The following PRKN variants were observed in gnomAD, a reference collection of about 807,000 sequenced individuals.
PRKN encodes the protein E3 ubiquitin-protein ligase parkin.
In PRKN, 56 loss-of-function variants were observed where a neutral mutation model predicts 59.5. The ratio of observed to expected loss-of-function variants is 0.94; its 90% CI spans 0.76 to 1.18. The LOEUF is 1.18. PRKN is among the 50% of genes most tolerant of loss of function. The probability of loss-of-function intolerance (pLI) is 0.00; values close to 1 mark genes in which losing one functional copy is unlikely to be tolerated. For synonymous variants in PRKN, 250 were observed against 222.1 expected (o/e 1.13, Z -1.12); for missense variants, 657 against 596.4 (o/e 1.10, Z -1.06).
At chr6:162,158,903 T>C (rs1437947403) in intron 4 of PRKN, among the ~76,000 whole-genome samples, 2 of 152,042 alleles carry the variant, frequency 1.3e-5, no homozygotes, top group Non-Finnish European at 2.9e-5. Context: ...GTTAAAGCTC[T>C]ATAGTGTTCA....
At position 161,402,408 on chromosome 6, in the gene PRKN, G is replaced by T. The variant is rs182952319; in HGVS notation, c.1084-15531C>A. 2.6e-5 allele frequency among the ~76,000 whole-genome samples: 4 copies of T among 152,204 alleles called. No homozygotes were observed. Among genetic ancestry groups the T allele is most frequent in the Non-Finnish European group, 4.4e-5 (3 of 68,022 alleles). On this transcript the variant is annotated intron_variant, in intron 9 of 11. Transcript: ENST00000366898. This position sits in a 1 kb window ranked among gnomAD's most constrained non-coding sequence, Gnocchi z 4.5. ...TAAAGAGCAAGTGACTGTGTCCCAG[G>T]GCGGCTGAGATAATGCGCGGATCTC...
intron 2 of PRKN, among the ~76,000 whole-genome samples, chr6:162,387,449 GATA>G (rs1332188442): frequency 6.6e-6 from 1 of 151,410 alleles, no homozygotes; most frequent in Non-Finnish European, 1.5e-5. Context: ...GAGAAACAAC[GATA>G]ATAATTGCTC....
At position 161,448,971 on chromosome 6, in the gene PRKN, G is replaced by T. The variant is rs1425508749; in HGVS notation, c.1084-62094C>A. Among the ~76,000 whole-genome samples the T allele has an allele frequency of 6.6e-5, 10 of 152,204 alleles. No homozygotes were observed. The highest frequency in any genetic ancestry group is 6.5e-4 in the Admixed American group (10 of 15,274). ...AAAAAGGTGGTGCATCTGAGATGGTGACTGCTCAGAATAAAGTGATAAGGG... is the reference window on the plus strand; with the variant it reads ...AAAAAGGTGGTGCATCTGAGATGGTTACTGCTCAGAATAAAGTGATAAGGG... On this transcript the variant is annotated intron_variant, in intron 9 of 11. Transcript: ENST00000366898. The surrounding 1 kb of genome is among the most constrained non-coding windows in gnomAD (Gnocchi z 5.1).
intron 1 of PRKN, among the ~76,000 whole-genome samples, chr6:162,625,733 T>C (rs967976121): frequency 4.6e-5 from 7 of 152,084 alleles, no homozygotes; most frequent in Non-Finnish European, 1.0e-4. Flanking sequence ...TAAACTTATG[T>C]TTGCAAAAAC....
intron 1 of PRKN, among the ~76,000 whole-genome samples, chr6:162,459,880 G>A (rs1390018993): frequency 6.6e-6 from 1 of 152,146 alleles, no homozygotes; most frequent in Non-Finnish European, 1.5e-5. Context: ...AATCTCAACA[G>A]ATAGGGAGAA....
intron 1 of PRKN, among the ~76,000 whole-genome samples, chr6:162,631,542 T>C (rs1489537805): frequency 2.0e-5 from 3 of 152,118 alleles, no homozygotes; most frequent in Non-Finnish European, 4.4e-5. Context: ...TTTTTTTTAT[T>C]GTGTTTTGCT....
chr6:161,592,847 C>T lies in PRKN; in HGVS notation c.872-23431G>A, dbSNP rs924774952. On this transcript the variant is annotated intron_variant, in intron 7 of 11. Transcript: ENST00000366898. This position sits in a 1 kb window ranked among gnomAD's most constrained non-coding sequence, Gnocchi z 4.8. ...GCTGGCGGGAGAGGCAGGAGGTCAC[C>T]GCAGGACCTGAAGGAAATGACTCCT... 3.3e-5 allele frequency among the ~76,000 whole-genome samples: 5 copies of T among 152,062 alleles called. No individual in the cohort carries two copies. Among genetic ancestry groups the T allele is most frequent in the South Asian group, 2.1e-4 (1 of 4,810 alleles).
chr6:161,534,612 C>T (rs1779345367), intron 9 of PRKN, among the ~76,000 whole-genome samples: 1 of 152,210 alleles, frequency 6.6e-6, no homozygotes, highest in African/African-American at 2.4e-5. Flanking sequence ...TGCACAGTTA[C>T]GTGTTGCCAT....
At chr6:162,125,966 T>A (rs1233296603) in intron 4 of PRKN, among the ~76,000 whole-genome samples, 1 of 152,164 alleles carries the variant, frequency 6.6e-6, no homozygotes, top group Non-Finnish European at 1.5e-5. Context: ...ATGGATGATG[T>A]TTCATTGCCA....
intron 6 of PRKN, among the ~76,000 whole-genome samples, chr6:161,856,126 G>A (rs373263751): frequency 4.6e-5 from 7 of 152,236 alleles, no homozygotes; most frequent in East Asian, 3.9e-4. Flanking sequence ...TTGGGAGGCC[G>A]AGGTGGGCAG....
At position 161,590,885 on chromosome 6, in the gene PRKN, G is replaced by C. The variant is rs1237442656; in HGVS notation, c.872-21469C>G. ...ACTAGACATAATAGTCTAGATAAGAGGGGTCTAAAGAGATGTGGCAACTGG... is the reference window on the plus strand; with the variant it reads ...ACTAGACATAATAGTCTAGATAAGACGGGTCTAAAGAGATGTGGCAACTGG... On this transcript the variant is annotated intron_variant, in intron 7 of 11. Transcript: ENST00000366898. Among the ~76,000 whole-genome samples, 8 of 152,220 alleles carry C rather than the reference G, an allele frequency of 5.3e-5. No individual in the cohort carries two copies. In the South Asian group the frequency reaches 1.0e-3, roughly 20 times the overall value.
intron 2 of PRKN, among the ~76,000 whole-genome samples, chr6:162,271,032 T>TTTC (rs1447863317): frequency 2.0e-5 from 3 of 148,804 alleles, no homozygotes; most frequent in African/African-American, 7.5e-5. Flanking sequence ...TTTTTTTTTT[T>TTTC]TTTTTGTAGA....
At chr6:161,944,896 C>T (rs1332166215) in intron 6 of PRKN, among the ~76,000 whole-genome samples, 1 of 152,158 alleles carries the variant, frequency 6.6e-6, no homozygotes, top group African/African-American at 2.4e-5. Context: ...ACACAGAATA[C>T]ATGCTGTATT....
intron 2 of PRKN, among the ~76,000 whole-genome samples, chr6:162,437,657 G>A (rs1789842991): frequency 6.6e-6 from 1 of 152,222 alleles, no homozygotes; most frequent in South Asian, 2.1e-4. Flanking sequence ...TTTTGAGAAT[G>A]TTATATAAAT....
chr6:162,387,047 T>C (rs1234827661), intron 2 of PRKN, among the ~76,000 whole-genome samples: 1 of 152,054 alleles, frequency 6.6e-6, no homozygotes, highest in African/African-American at 2.4e-5. Context: ...GGACCCCAAA[T>C]ATAGATTCAT....
At chr6:162,089,050 T>C (rs1248620129) in intron 4 of PRKN, among the ~76,000 whole-genome samples, 1 of 152,104 alleles carries the variant, frequency 6.6e-6, no homozygotes, top group Non-Finnish European at 1.5e-5. Context: ...AAAGACAACA[T>C]ATACACACTG....
chr6:161,596,571 C>T (rs1409836039), intron 7 of PRKN, among the ~76,000 whole-genome samples: 1 of 152,144 alleles, frequency 6.6e-6, no homozygotes, highest in Non-Finnish European at 1.5e-5. Flanking sequence ...GCCTTTCACC[C>T]ACCAGTGGTC....
At chr6:161,601,460 C>T (rs9458314) in intron 7 of PRKN, among the ~76,000 whole-genome samples, 106,762 of 152,098 alleles carry the variant, frequency 0.7, 38,881 homozygotes, top group African/African-American at 0.91. Context: ...CATACTATAT[C>T]TTGGAATACT....
intron 1 of PRKN, among the ~76,000 whole-genome samples, chr6:162,607,553 T>TA (rs35819142): frequency 0.012 from 1,845 of 151,682 alleles, 16 homozygotes; most frequent in Non-Finnish European, 0.017. Context: ...TTTTTTTTTT[T>TA]AATGGGGGAA....
Sources: gnomAD v4.1 joint callset for allele counts (sites outside exome capture counted in the v4.1 genomes callset) on GRCh38, gnomAD v4.1.1 for gene constraint, Gnocchi (gnomAD v3.1) non-coding constraint, MANE v1.5 for transcripts, NCBI Gene and HGNC (gene_info 2026-07-23, HGNC 2026-07-21) for gene names.